The following PRMT1 variants were observed in gnomAD, a reference collection of about 807,000 sequenced individuals.
PRMT1 encodes the protein protein arginine methyltransferase 1.
Under a neutral mutation model 47.4 loss-of-function variants are expected in PRMT1, and 5 were observed. That is an observed-to-expected ratio of 0.11 (90% confidence interval 0.06 to 0.22). The LOEUF is 0.22. Ranked by LOEUF, PRMT1 falls within the 10% of genes least tolerant of loss-of-function variation. PRMT1 has a pLI of 1.00. For synonymous variants in PRMT1, 227 were observed against 204.6 expected (o/e 1.11, Z -0.94); for missense variants, 249 against 518.4 (o/e 0.48, Z 5.05).
At chr19:49,682,901 T>C (rs1365546730) in intron 5 of PRMT1, among the ~76,000 whole-genome samples, 1 of 149,096 alleles carries the variant, frequency 6.7e-6, no homozygotes, top group East Asian at 2.0e-4. Flanking sequence ...TTCTCCTGCC[T>C]CAGCCTCCCA....
intron 5 of PRMT1, 51 bp downstream of exon 5, chr19:49,682,310 G>T: frequency 6.4e-7 from 1 of 1,573,484 alleles, no homozygotes; most frequent in Non-Finnish European, 8.7e-7. Context: ...GTGATGCCCT[G>T]CTTCCCCAGG....
rs1157750491 is a variant in PRMT1, at chr19:49,681,073, A to G, written c.192+485A>G. Among the ~76,000 whole-genome samples the G allele has an allele frequency of 6.6e-6, 1 of 152,116 alleles. No individual in the cohort carries two copies. Among genetic ancestry groups the G allele is most frequent in the Non-Finnish European group, 1.5e-5 (1 of 68,036 alleles). On this transcript the variant is annotated intron_variant, in intron 3 of 10. Transcript: ENST00000454376. The surrounding 1 kb of genome is among the most constrained non-coding windows in gnomAD (Gnocchi z 4.4). ...AAATTGCCATTTTTTATTTTTAGAG[A>G]CGGTCTCGCTCTGTCGCCCAGGCTA...
At position 49,686,084 on chromosome 19, in the gene PRMT1, G is replaced by A; in HGVS notation, c.760-9G>A. On this transcript the variant is annotated splice_polypyrimidine_tract_variant and intron_variant, in intron 8 of 10. Coordinates refer to ENST00000454376, the MANE Select transcript of PRMT1 (RefSeq NM_001536.6). The stretch of plus-strand genomic sequence containing the variant: ...CGCATCCCGGAGCTCGCCCTCTCAT[G>A]TCCTGCAGGAGGTGGACATCTATAC... The A allele has an allele frequency of 6.2e-7, 1 of 1,612,182 alleles. No individual in the cohort carries two copies. Among genetic ancestry groups the A allele is most frequent in the Non-Finnish European group, 8.5e-7 (1 of 1,179,034 alleles).
Position 49,685,241 on chromosome 19 carries a change from C to G in PRMT1, c.759+204C>G. On this transcript the variant is annotated intron_variant, in intron 8 of 10. Transcript: ENST00000454376. The surrounding 1 kb of genome is among the most constrained non-coding windows in gnomAD (Gnocchi z 4.7). ...TGAGCGCTGCTGTGTGAGAACCATG[C>G]TTGGCACTTGGCTTCTGGCGGAGGA... The G allele has an allele frequency of 6.7e-7, 1 of 1,489,336 alleles. No homozygotes were observed. Among genetic ancestry groups the G allele is most frequent in the South Asian group, 1.3e-5 (1 of 78,282 alleles). 92.3% of individuals were successfully genotyped at this position (1,489,336 alleles called of 1,614,324 possible).
intron 9 of PRMT1, 104 bp from the exon 10 acceptor site, chr19:49,686,501 G>A: frequency 7.7e-7 from 1 of 1,293,336 alleles, no homozygotes; most frequent in Non-Finnish European, 1.0e-6. Context: ...GCGGATAGCA[G>A]TCCCATCAGC....
chr19:49,677,243 G>C (rs777995967), upstream of PRMT1: 6 of 1,416,230 alleles, frequency 4.2e-6, no homozygotes, highest in Non-Finnish European at 5.6e-6. Context: ...AGAAAGGGGG[G>C]GTCTTGGCGG....
chr19:49,685,305 A>G lies in PRMT1; in HGVS notation c.759+268A>G. 1 of 1,385,768 alleles carries G rather than the reference A, an allele frequency of 7.2e-7. No homozygotes were observed. Among genetic ancestry groups the G allele is most frequent in the Non-Finnish European group, 9.4e-7 (1 of 1,064,902 alleles). The allele number at this position is 1,385,768 out of a possible 1,614,324, so 85.8% of individuals were successfully genotyped here. ...GGCAGCTAAAGCCCACAGCCCATGC[A>G]CGGAAAGGCAGGACCCCAGGGCGAT... On this transcript the variant is annotated intron_variant, in intron 8 of 10. Coordinates refer to ENST00000454376, the MANE Select transcript of PRMT1 (RefSeq NM_001536.6). The surrounding 1 kb of genome is among the most constrained non-coding windows in gnomAD (Gnocchi z 4.7).
chr19:49,687,122 A>G (rs2082219592), intron 10 of PRMT1, among the ~76,000 whole-genome samples: 1 of 152,130 alleles, frequency 6.6e-6, no homozygotes, highest in South Asian at 2.1e-4. Flanking sequence ...GGCAGCCCCC[A>G]GTAGAGTGCA....
In PRMT1 at chr19:49,681,809, C is replaced by T. The variant is rs1035292850; in HGVS notation, c.193-101C>T. ...GGAAACTGAGGTGCATGGAAGAAAG[C>T]GAGAGGGCCGAGCTCTGGCCCTCCG... On this transcript the variant is annotated intron_variant, in intron 3 of 10. Transcript: ENST00000454376. This position sits in a 1 kb window ranked among gnomAD's most constrained non-coding sequence, Gnocchi z 4.4. The T allele has an allele frequency of 3.0e-5, 34 of 1,133,512 alleles. No individual in the cohort carries two copies. Among genetic ancestry groups the T allele is most frequent in the Non-Finnish European group, 3.7e-5 (31 of 831,382 alleles). 70.2% of individuals were successfully genotyped at this position (1,133,512 alleles called of 1,614,324 possible). A position where few individuals can be genotyped will look rare whatever the true frequency, so the allele number is the denominator to read the frequency against.
intron 10 of PRMT1, 42 bp downstream of exon 10, chr19:49,686,768 C>A: frequency 1.7e-6 from 1 of 589,794 alleles, no homozygotes; most frequent in Non-Finnish European, 2.5e-6. Context: ...GCAGCTAGGG[C>A]GGGGAGTGTA....
At position 49,680,139 on chromosome 19, in the gene PRMT1, C is replaced by A. The variant is rs1213012881; in HGVS notation, c.90+214C>A. ...GCTACTTCCTTAACTCCACCTCCAA[C>A]CCCCCTTTGCCCTTCCCTGTGTCTG... On this transcript the variant is annotated intron_variant, in intron 2 of 10. Coordinates refer to ENST00000454376, the MANE Select transcript of PRMT1 (RefSeq NM_001536.6). The surrounding 1 kb of genome is among the most constrained non-coding windows in gnomAD (Gnocchi z 4.2). 7.5e-7 allele frequency: 1 copy of A among 1,335,722 alleles called. No homozygotes were observed. Among genetic ancestry groups the A allele is most frequent in the Non-Finnish European group, 1.1e-6 (1 of 948,646 alleles). The allele number at this position is 1,335,722 out of a possible 1,614,324, so 82.7% of individuals were successfully genotyped here.
rs2082175883 is a variant in PRMT1, at chr19:49,684,573, G to A, written c.556-181G>A. On this transcript the variant is annotated intron_variant, in intron 6 of 10. Coordinates refer to ENST00000454376, the MANE Select transcript of PRMT1 (RefSeq NM_001536.6). The surrounding 1 kb of genome is among the most constrained non-coding windows in gnomAD (Gnocchi z 6.2). ...CCAGAACCTCCAAGGGCCGGGAGCT[G>A]ACTGGGGTGCCCCTGGGTGCCCTCT... Among the ~76,000 whole-genome samples, 1 of 152,216 alleles carries A rather than the reference G, an allele frequency of 6.6e-6. No homozygotes were observed. Among genetic ancestry groups the A allele is most frequent in the Non-Finnish European group, 1.5e-5 (1 of 68,026 alleles).
At chr19:49,683,460 G>C (rs1420082329) in intron 5 of PRMT1, among the ~76,000 whole-genome samples, 1 of 151,694 alleles carries the variant, frequency 6.6e-6, no homozygotes, top group African/African-American at 2.4e-5. Context: ...AGGCCGAGGC[G>C]GGCGGATCGT....
intron 1 of PRMT1, 167 bp downstream of exon 1, chr19:49,677,483 C>A (rs2082053165): frequency 4.0e-6 from 2 of 501,878 alleles, no homozygotes; most frequent in Middle Eastern, 2.9e-4. Context: ...GAGGTGACGG[C>A]TCCCTAGCTT....
At position 49,684,550 on chromosome 19, in the gene PRMT1, A is replaced by G. The variant is rs2082175428; in HGVS notation, c.556-204A>G. The stretch of plus-strand genomic sequence containing the variant: ...AGCTAGGGAGGGTCTGAGGATCCCC[A>G]GAACCTCCAAGGGCCGGGAGCTGAC... On this transcript the variant is annotated intron_variant, in intron 6 of 10. Coordinates refer to ENST00000454376, the MANE Select transcript of PRMT1 (RefSeq NM_001536.6). The surrounding 1 kb of genome is among the most constrained non-coding windows in gnomAD (Gnocchi z 6.2). Among the ~76,000 whole-genome samples the G allele has an allele frequency of 6.6e-6, 1 of 152,200 alleles. No homozygotes were observed. Among genetic ancestry groups the G allele is most frequent in the South Asian group, 2.1e-4 (1 of 4,836 alleles).
Position 49,684,728 on chromosome 19 carries a change from T to C in PRMT1, c.556-26T>C. On this transcript the variant is annotated intron_variant, in intron 6 of 10. Coordinates refer to ENST00000454376, the MANE Select transcript of PRMT1 (RefSeq NM_001536.6). This position sits in a 1 kb window ranked among gnomAD's most constrained non-coding sequence, Gnocchi z 6.2. ...GGGTAGTGTTGCCAGGCCCCACCCT[T>C]CATGCCTCGCCCTGCCCCTCTGTAG... The C allele has an allele frequency of 6.5e-7, 1 of 1,548,244 alleles. No homozygotes were observed. The highest frequency in any genetic ancestry group is 1.4e-5 in the African/African-American group (1 of 73,080).
rs112116684 is a variant in PRMT1, at chr19:49,682,946, C to T, written c.412+687C>T. On this transcript the variant is annotated intron_variant, in intron 5 of 10. Coordinates refer to ENST00000454376, the MANE Select transcript of PRMT1 (RefSeq NM_001536.6). Reference sequence around the variant, plus strand: ...GATTACAGGCGCCAGCCACCACGCCCGGCTAATTTTTTTGTTTTTTTAGTA... The same window carrying T: ...GATTACAGGCGCCAGCCACCACGCCTGGCTAATTTTTTTGTTTTTTTAGTA... Among the ~76,000 whole-genome samples the T allele has an allele frequency of 4.8e-3, 736 of 152,038 alleles. 7 individuals are homozygous for T. Among genetic ancestry groups the T allele is most frequent in the African/African-American group, 0.017 (698 of 41,460 alleles).
At chr19:49,682,484 G>A (rs2082133724) in intron 5 of PRMT1, among the ~76,000 whole-genome samples, 1 of 152,218 alleles carries the variant, frequency 6.6e-6, no homozygotes, top group South Asian at 2.1e-4. Context: ...TTTCTTGAAT[G>A]AGTAATAGAG....
chr19:49,684,155 G>T lies in PRMT1; in HGVS notation c.555+86G>T. 6.5e-7 allele frequency: 1 copy of T among 1,544,760 alleles called. No individual in the cohort carries two copies. The highest frequency in any genetic ancestry group is 8.9e-7 in the Non-Finnish European group (1 of 1,129,498). On this transcript the variant is annotated intron_variant, in intron 6 of 10. Transcript: ENST00000454376. This position sits in a 1 kb window ranked among gnomAD's most constrained non-coding sequence, Gnocchi z 6.2. ...ACCACGCTCAATTTTTCCCACAGAC[G>T]GGACTTACTGTGGGGGCTTAGCTGC...
Sources: gnomAD v4.1 joint callset for allele counts (sites outside exome capture counted in the v4.1 genomes callset) on GRCh38, gnomAD v4.1.1 for gene constraint, Gnocchi (gnomAD v3.1) non-coding constraint, MANE v1.5 for transcripts, NCBI Gene and HGNC (gene_info 2026-07-23, HGNC 2026-07-21) for gene names.